Variants in RALYL observed in about 807,000 individuals in gnomAD.
RALYL encodes the protein RNA-binding Raly-like protein.
A neutral mutation model predicts 35.1 loss-of-function variants in RALYL; 29 were observed. That is an observed-to-expected ratio of 0.83 (90% CI 0.61 to 1.13). The LOEUF (loss-of-function observed/expected upper bound fraction) is 1.13, where lower values mean the gene tolerates loss of function less well. Among genes scored for constraint, RALYL ranks in the 50% most tolerant of loss-of-function variants. The pLI, the probability that RALYL is intolerant of heterozygous loss-of-function variation, is 0.00. For missense variants in RALYL, 359 were observed against 360.4 expected (o/e 1.00, Z 0.03); for synonymous variants, 120 against 127.6 (o/e 0.94, Z 0.40).
chr8:84,524,450 A>C (rs1056069497), intron 1 of RALYL, among the ~76,000 whole-genome samples: 1 of 152,180 alleles, frequency 6.6e-6, no homozygotes, highest in African/African-American at 2.4e-5. Flanking sequence ...GTCAGGAAAC[A>C]ACAGGTGCTG....
At chr8:84,471,832 A>G (rs1340101584) in intron 1 of RALYL, among the ~76,000 whole-genome samples, 3 of 152,214 alleles carry the variant, frequency 2.0e-5, no homozygotes, top group Non-Finnish European at 4.4e-5. Context: ...GAAATAAGTT[A>G]ATATTGCTAA....
chr8:84,812,419 G>T (rs1424377552), intron 4 of RALYL, among the ~76,000 whole-genome samples: 1 of 152,112 alleles, frequency 6.6e-6, no homozygotes, highest in Non-Finnish European at 1.5e-5. Flanking sequence ...TCTGCTGGGA[G>T]GTGGCACTTT....
chr8:84,289,767 G>A (rs564344585), intron 1 of RALYL, among the ~76,000 whole-genome samples: 3 of 152,190 alleles, frequency 2.0e-5, no homozygotes, highest in Admixed American at 2.0e-4. Context: ...ATTTTGTAAA[G>A]TTTTCTACAT....
At chr8:84,468,047 G>C (rs1347087395) in intron 1 of RALYL, among the ~76,000 whole-genome samples, 1 of 149,252 alleles carries the variant, frequency 6.7e-6, no homozygotes, top group Non-Finnish European at 1.5e-5. Context: ...CTCTGCATGT[G>C]AGATGGGTTT....
intron 1 of RALYL, among the ~76,000 whole-genome samples, chr8:84,391,272 AAG>A (rs1860635205): frequency 6.6e-6 from 1 of 151,966 alleles, no homozygotes; most frequent in Non-Finnish European, 1.5e-5. Context: ...AGCCCTAGGA[AAG>A]GTGCCTAGTG....
intron 1 of RALYL, among the ~76,000 whole-genome samples, chr8:84,326,701 A>G (rs1393197225): frequency 6.6e-6 from 1 of 152,232 alleles, no homozygotes. Flanking sequence ...GTATATTTTT[A>G]TATAACTAAG....
chr8:84,457,235 T>C (rs1487832791), intron 1 of RALYL, among the ~76,000 whole-genome samples: 2 of 151,972 alleles, frequency 1.3e-5, no homozygotes. Context: ...CTAAATGATG[T>C]ACCATAACTC....
At chr8:84,367,205 C>T (rs1308269235) in intron 1 of RALYL, among the ~76,000 whole-genome samples, 5 of 148,270 alleles carry the variant, frequency 3.4e-5, no homozygotes, top group South Asian at 2.1e-4. Flanking sequence ...GCACAATCTC[C>T]GCTCACTGCA....
At chr8:84,759,517 GT>G (rs1284659169) in intron 2 of RALYL, among the ~76,000 whole-genome samples, 1 of 152,106 alleles carries the variant, frequency 6.6e-6, no homozygotes, top group African/African-American at 2.4e-5. Flanking sequence ...GGTATCTATG[GT>G]TGCCCAGATT....
chr8:84,429,095 T>C (rs191521437), intron 1 of RALYL, among the ~76,000 whole-genome samples: 1 of 152,094 alleles, frequency 6.6e-6, no homozygotes, highest in African/African-American at 2.4e-5. Flanking sequence ...CCCCTTTTGA[T>C]AGAGAAATGC....
In RALYL at chr8:84,473,789, T is replaced by C. The variant is rs554597393; in HGVS notation, c.-23-55510T>C. Among the ~76,000 whole-genome samples the C allele has an allele frequency of 3.1e-3, 474 of 151,984 alleles. 2 individuals are homozygous for C. The highest frequency in any genetic ancestry group is 0.011 in the African/African-American group (442 of 41,536). The stretch of plus-strand genomic sequence containing the variant: ...ATAGTGTTATTTTTAATAAATAAAT[T>C]ATTAATATGTTCTACACTATATCTG... On this transcript the variant is annotated intron_variant, in intron 1 of 8. Coordinates refer to ENST00000521268, the MANE Select transcript of RALYL (RefSeq NM_173848.7).
At chr8:84,255,416 T>C (rs1164436102) in intron 1 of RALYL, among the ~76,000 whole-genome samples, 1 of 152,142 alleles carries the variant, frequency 6.6e-6, no homozygotes, top group East Asian at 1.9e-4. Context: ...ATTGACAGAA[T>C]TTGGGGAAAC....
intron 1 of RALYL, among the ~76,000 whole-genome samples, chr8:84,522,929 G>T (rs1397398461): frequency 1.3e-5 from 2 of 152,182 alleles, no homozygotes; most frequent in East Asian, 3.9e-4. Flanking sequence ...AAAGAAAGAA[G>T]TTCCATGGAT....
At chr8:84,357,007 G>T (rs866759793) in intron 1 of RALYL, among the ~76,000 whole-genome samples, 18 of 152,036 alleles carry the variant, frequency 1.2e-4, no homozygotes, top group African/African-American at 4.1e-4. Context: ...AATGAGTCCA[G>T]TTACTGTTGC....
rs371945412 is a variant in RALYL at position 84,755,244 on chromosome 8, C to G, written c.257-19335C>G. Among the ~76,000 whole-genome samples the G allele has an allele frequency of 4.6e-5, 7 of 152,262 alleles. No homozygotes were observed. The East Asian group carries it at 9.7e-4, about 21-fold the overall frequency. On this transcript the variant is annotated intron_variant, in intron 2 of 8. Coordinates refer to ENST00000521268, the MANE Select transcript of RALYL (RefSeq NM_173848.7). ...AAGAAGCAGTCACATCTCCTAAAAA[C>G]AGATGCTATGTCTCACAAACCAAAT... is the stretch of plus-strand genomic sequence containing the variant.
intron 2 of RALYL, among the ~76,000 whole-genome samples, chr8:84,582,152 G>T (rs1173983349): frequency 1.3e-5 from 2 of 151,982 alleles, no homozygotes; most frequent in Non-Finnish European, 2.9e-5. Context: ...AAGTTATATT[G>T]TCATTCTCCT....
At chr8:84,655,540 G>A (rs1190395488) in intron 2 of RALYL, among the ~76,000 whole-genome samples, 1 of 152,070 alleles carries the variant, frequency 6.6e-6, no homozygotes, top group African/African-American at 2.4e-5. Context: ...TGTTGGCCAG[G>A]CTGGTCTCAA....
chr8:84,397,578 C>T (rs776322496), intron 1 of RALYL, among the ~76,000 whole-genome samples: 1 of 151,728 alleles, frequency 6.6e-6, no homozygotes, highest in African/African-American at 2.4e-5. Flanking sequence ...AGCAGGTACT[C>T]GTGTAACCTA....
intron 1 of RALYL, among the ~76,000 whole-genome samples, chr8:84,332,163 A>G (rs868792476): frequency 2.1e-4 from 32 of 152,116 alleles, no homozygotes; most frequent in African/African-American, 6.3e-4. Context: ...TAAGAAAAAG[A>G]TCATGACTTG....
Sources: gnomAD v4.1 joint callset for allele counts (sites outside exome capture counted in the v4.1 genomes callset) on GRCh38, gnomAD v4.1.1 for gene constraint, MANE v1.5 for transcripts, NCBI Gene and HGNC (gene_info 2026-07-23, HGNC 2026-07-21) for gene names.